The following ESRRB variants were observed in gnomAD, a reference collection of about 807,000 sequenced individuals.
The protein encoded by ESRRB is estrogen related receptor beta.
Under a neutral mutation model 46.0 loss-of-function variants are expected in ESRRB, and 16 were observed. The ratio of observed to expected loss-of-function variants is 0.35; its 90% CI spans 0.24 to 0.53. The LOEUF is 0.53. ESRRB is among the 20% of genes least tolerant of loss of function. The probability of loss-of-function intolerance (pLI) is 0.93; values close to 1 mark genes in which losing one functional copy is unlikely to be tolerated. For synonymous variants in ESRRB, 246 were observed against 259.6 expected, an observed-to-expected ratio of 0.95 and a Z score of 0.50; for missense variants, 488 against 607.4, an observed-to-expected ratio of 0.80 and a Z score of 2.07.
intron 5 of ESRRB, among the ~76,000 whole-genome samples, chr14:76,490,786 A>G (rs1258234173): frequency 6.6e-6 from 1 of 152,188 alleles, no homozygotes; most frequent in Non-Finnish European, 1.5e-5. Flanking sequence ...TTAAGCAGAG[A>G]GTTATGGCCC....
chr14:76,374,614 C>A (rs866272419), upstream of ESRRB, among the ~76,000 whole-genome samples: 1 of 152,152 alleles, frequency 6.6e-6, no homozygotes, highest in African/African-American at 2.4e-5. Flanking sequence ...GCCGAAAAAC[C>A]AGTCACTGAG....
chr14:76,376,098 T>C, upstream of ESRRB: 1 of 213,070 alleles, frequency 4.7e-6, no homozygotes, highest in Non-Finnish European at 9.0e-6. The surrounding 1 kb of genome is among the most constrained non-coding windows in gnomAD (Gnocchi z 4.1). Context: ...TATACATCAG[T>C]CTCCCAGCCT....
At chr14:76,356,040 G>A (rs567337594) in intron 1 of ESRRB, among the ~76,000 whole-genome samples, 4 of 152,340 alleles carry the variant, frequency 2.6e-5, no homozygotes, top group Admixed American at 2.6e-4. Flanking sequence ...TGCCCAGAGG[G>A]AGCCATGGGG....
At chr14:76,399,774 T>C (rs1259432293) in intron 1 of ESRRB, among the ~76,000 whole-genome samples, 11 of 152,092 alleles carry the variant, frequency 7.2e-5, no homozygotes, top group African/African-American at 2.4e-4. Flanking sequence ...AGGGTGACCA[T>C]GAGGAAGGGG....
At chr14:76,478,137 A>C (rs1889653863) in intron 3 of ESRRB, among the ~76,000 whole-genome samples, 1 of 152,202 alleles carries the variant, frequency 6.6e-6, no homozygotes, top group Admixed American at 6.5e-5. Context: ...CCATTTTCTA[A>C]GCACATGCTG....
intron 1 of ESRRB, among the ~76,000 whole-genome samples, chr14:76,410,941 G>A (rs1248737345): frequency 6.6e-6 from 1 of 151,868 alleles, no homozygotes; most frequent in Non-Finnish European, 1.5e-5. Context: ...GTGCCACCAA[G>A]CCCGGCTAAT....
chr14:76,393,531 TTAC>T (rs1447442444), intron 1 of ESRRB, among the ~76,000 whole-genome samples: 2 of 152,212 alleles, frequency 1.3e-5, no homozygotes, highest in African/African-American at 4.8e-5. Flanking sequence ...TGAAATACCT[TTAC>T]TGCAAAGAAG....
At chr14:76,407,885 G>A (rs1174126218) in intron 1 of ESRRB, among the ~76,000 whole-genome samples, 1 of 152,176 alleles carries the variant, frequency 6.6e-6, no homozygotes, top group African/African-American at 2.4e-5. Context: ...ATTTGCTTGT[G>A]CCAGGCAGCC....
intron 1 of ESRRB, among the ~76,000 whole-genome samples, chr14:76,357,515 G>GTGTT (rs1229444869): frequency 2.0e-5 from 3 of 152,138 alleles, no homozygotes; most frequent in Non-Finnish European, 4.4e-5. Context: ...ATGTATATAA[G>GTGTT]TGTTTATTTA....
chr14:76,322,775 C>T (rs1042837953), intron 1 of ESRRB, among the ~76,000 whole-genome samples: 5 of 152,186 alleles, frequency 3.3e-5, no homozygotes, highest in East Asian at 1.9e-4. Context: ...CTGATTCTAC[C>T]GCCTTGGGCA....
intron 1 of ESRRB, among the ~76,000 whole-genome samples, chr14:76,390,993 C>T (rs904943007): frequency 6.6e-6 from 1 of 152,168 alleles, no homozygotes; most frequent in African/African-American, 2.4e-5. Context: ...CAGGACCTTG[C>T]GAGGAGGCAG....
chr14:76,445,364 G>C (rs111768208), intron 2 of ESRRB, among the ~76,000 whole-genome samples: 2 of 150,304 alleles, frequency 1.3e-5, no homozygotes, highest in Non-Finnish European at 3.0e-5. Context: ...CCAGCTACTC[G>C]AGAGGCTGAG....
chr14:76,462,742 G>A, intron 3 of ESRRB, 81 bp downstream of exon 3: 1 of 1,053,922 alleles, frequency 9.5e-7, no homozygotes, highest in Non-Finnish European at 1.5e-6. Context: ...ACACCCACAA[G>A]CTGTGGACCT....
At chr14:76,369,958 C>T (rs1181772205), upstream of ESRRB, among the ~76,000 whole-genome samples, 2 of 152,210 alleles carry the variant, frequency 1.3e-5, no homozygotes, top group Non-Finnish European at 2.9e-5. Flanking sequence ...ACTGTTTATT[C>T]TTTCTGTGGC....
At chr14:76,465,067 C>A (rs868527846) in intron 3 of ESRRB, among the ~76,000 whole-genome samples, 5 of 152,290 alleles carry the variant, frequency 3.3e-5, no homozygotes, top group Middle Eastern at 3.4e-3. Flanking sequence ...AGCCTCCCTG[C>A]CTACTTGACA....
At chr14:76,405,944 T>C (rs1423144412) in intron 1 of ESRRB, among the ~76,000 whole-genome samples, 1 of 152,160 alleles carries the variant, frequency 6.6e-6, no homozygotes, top group African/African-American at 2.4e-5. Flanking sequence ...AAATCTAACC[T>C]ATAAATTATT....
At chr14:76,447,555 G>C (rs1222371011) in intron 2 of ESRRB, among the ~76,000 whole-genome samples, 1 of 152,010 alleles carries the variant, frequency 6.6e-6, no homozygotes, top group African/African-American at 2.4e-5. Flanking sequence ...TTTCCACTTG[G>C]ATGCCCCAGA....
At chr14:76,472,166 G>A (rs2140011507) in intron 3 of ESRRB, among the ~76,000 whole-genome samples, 1 of 152,276 alleles carries the variant, frequency 6.6e-6, no homozygotes, top group Non-Finnish European at 1.5e-5. Flanking sequence ...CTTTCTCAAA[G>A]GGGAAAAAAG....
At chr14:76,318,058 T>C (rs1287298077) in intron 1 of ESRRB, among the ~76,000 whole-genome samples, 1 of 152,170 alleles carries the variant, frequency 6.6e-6, no homozygotes, top group East Asian at 1.9e-4. Context: ...GGTTCCTTTT[T>C]CAAAAACAAG....
Sources: gnomAD v4.1 joint callset for allele counts (sites outside exome capture counted in the v4.1 genomes callset) on GRCh38, gnomAD v4.1.1 for gene constraint, Gnocchi (gnomAD v3.1) non-coding constraint, MANE v1.5 for transcripts, NCBI Gene and HGNC (gene_info 2026-07-23, HGNC 2026-07-21) for gene names.